FXYD6: variants seen among roughly 807,000 people sequenced by gnomAD.
FXYD6 encodes the protein FXYD domain containing ion transport regulator 6.
Under a neutral mutation model 16.7 loss-of-function variants are expected in FXYD6, and 7 were observed. The observed-to-expected ratio is 0.42, with a 90% CI of 0.24 to 0.79. FXYD6 has a LOEUF of 0.79. FXYD6 is among the 30% of genes least tolerant of loss of function. The probability of loss-of-function intolerance (pLI) is 0.28; values close to 1 mark genes in which losing one functional copy is unlikely to be tolerated. For synonymous variants in FXYD6, 49 were observed against 43.0 expected, an observed-to-expected ratio of 1.14 and a Z score of -0.54; for missense variants, 111 against 116.2, an observed-to-expected ratio of 0.95 and a Z score of 0.21.
intron 1 of FXYD6, among the ~76,000 whole-genome samples, chr11:117,860,533 G>A (rs2056880765): frequency 6.6e-6 from 1 of 152,230 alleles, no homozygotes; most frequent in Non-Finnish European, 1.5e-5. Context: ...AGAAAGCATT[G>A]ATACTCACTT....
chr11:117,861,498 A>G (rs1055979931), intron 1 of FXYD6, among the ~76,000 whole-genome samples: 3 of 152,222 alleles, frequency 2.0e-5, no homozygotes, highest in African/African-American at 7.2e-5. Context: ...CCCTGCTTCA[A>G]CTAAATTAGA....
chr11:117,853,717 T>A (rs1408468277), intron 1 of FXYD6, among the ~76,000 whole-genome samples: 1 of 152,112 alleles, frequency 6.6e-6, no homozygotes, highest in Non-Finnish European at 1.5e-5. Context: ...GGTCTCGAAA[T>A]CCTGACCTCA....
Position 117,841,171 on chromosome 11 carries a change from C to A in FXYD6, c.186G>T (p.Lys62Asn), listed in dbSNP as rs554206807. The change falls in exon 5 of 8, where the codon AAG becomes AAT. Residue 62 changes from lysine (K) to asparagine (N), a missense_variant. Transcript: ENST00000526014. ...GILLILSRRC[K>N]CSFNQKPRAP... ...ACCGGGGCTTCTGATTGAAACTGCA[C>A]TTGCACCTGCGACCTGAAAAGCAAA... is the stretch of plus-strand genomic sequence containing the variant. 3 of 1,614,134 alleles carry A rather than the reference C, an allele frequency of 1.9e-6. No homozygotes were observed. The East Asian group carries it at 6.7e-5, about 36-fold the overall frequency.
intron 1 of FXYD6, among the ~76,000 whole-genome samples, chr11:117,852,928 T>C (rs1483966609): frequency 6.6e-6 from 1 of 152,276 alleles, no homozygotes; most frequent in African/African-American, 2.4e-5. Context: ...TTTACTTTTG[T>C]GTTTCAATGG....
chr11:117,853,051 A>G (rs1021901271), intron 1 of FXYD6, among the ~76,000 whole-genome samples: 2 of 152,148 alleles, frequency 1.3e-5, no homozygotes, highest in African/African-American at 4.8e-5. Context: ...TTCTTTCAAC[A>G]TTTCTTACAG....
chr11:117,845,512 C>A (rs2056449073), intron 1 of FXYD6, among the ~76,000 whole-genome samples: 1 of 152,124 alleles, frequency 6.6e-6, no homozygotes, highest in Admixed American at 6.5e-5. Flanking sequence ...CGACATTATG[C>A]TTCTGTGGTT....
intron 1 of FXYD6, chr11:117,844,012 T>G (rs2056417033): frequency 6.6e-6 from 1 of 152,290 alleles, no homozygotes; most frequent in African/African-American, 2.4e-5. Flanking sequence ...AGCCCAAGGC[T>G]GGGTGCTGTT....
chr11:117,860,791 T>C (rs2056888003), intron 1 of FXYD6, among the ~76,000 whole-genome samples: 1 of 152,248 alleles, frequency 6.6e-6, no homozygotes, highest in Non-Finnish European at 1.5e-5. Context: ...AAGGTGCTCA[T>C]GCCATACCAA....
intron 1 of FXYD6, among the ~76,000 whole-genome samples, chr11:117,859,422 G>A (rs1023443209): frequency 4.6e-5 from 7 of 152,238 alleles, no homozygotes; most frequent in African/African-American, 7.2e-5. Flanking sequence ...GGATGCCACA[G>A]AAGAAACTAA....
intron 1 of FXYD6, among the ~76,000 whole-genome samples, chr11:117,867,760 A>C (rs928704303): frequency 1.3e-5 from 2 of 151,854 alleles, no homozygotes; most frequent in African/African-American, 4.8e-5. Context: ...TGTTCCTTCT[A>C]CTTACAATGC....
chr11:117,860,874 A>T (rs1360491858), intron 1 of FXYD6, among the ~76,000 whole-genome samples: 1 of 152,244 alleles, frequency 6.6e-6, no homozygotes. Context: ...TATTACGATC[A>T]TTCCCTTTAC....
chr11:117,854,601 T>A (rs1453025632), intron 1 of FXYD6, among the ~76,000 whole-genome samples: 6 of 152,200 alleles, frequency 3.9e-5, no homozygotes, highest in African/African-American at 1.4e-4. Context: ...AGGGCTCTGA[T>A]CCATCAGCAA....
intron 1 of FXYD6, among the ~76,000 whole-genome samples, chr11:117,856,548 C>T (rs889295973): frequency 3.3e-5 from 5 of 152,152 alleles, no homozygotes; most frequent in African/African-American, 4.8e-5. Flanking sequence ...TCATACAGAA[C>T]GTCCCGGAAT....
chr11:117,859,590 T>A (rs1053757760), intron 1 of FXYD6, among the ~76,000 whole-genome samples: 6 of 152,178 alleles, frequency 3.9e-5, no homozygotes, highest in Admixed American at 1.3e-4. Context: ...TCCTTAAACA[T>A]AACCCGATGC....
intron 1 of FXYD6, among the ~76,000 whole-genome samples, chr11:117,861,720 G>T (rs2056910204): frequency 6.6e-6 from 1 of 152,222 alleles, no homozygotes; most frequent in Non-Finnish European, 1.5e-5. Context: ...AGAGGGCCCA[G>T]TTACTTCCTC....
intron 1 of FXYD6, among the ~76,000 whole-genome samples, chr11:117,860,787 C>T (rs2056887936): frequency 6.6e-6 from 1 of 152,230 alleles, no homozygotes; most frequent in Admixed American, 6.5e-5. Context: ...TCGTAAGGTG[C>T]TCATGCCATA....
intron 1 of FXYD6, among the ~76,000 whole-genome samples, chr11:117,850,372 T>G (rs982537016): frequency 6.6e-6 from 1 of 152,202 alleles, no homozygotes; most frequent in African/African-American, 2.4e-5. Flanking sequence ...CTGAGTTGGG[T>G]CTTTTAGAAT....
intron 1 of FXYD6, among the ~76,000 whole-genome samples, chr11:117,858,706 TCTCTC>T (rs2056817051): frequency 2.4e-5 from 3 of 126,958 alleles, no homozygotes; most frequent in Non-Finnish European, 3.4e-5. Flanking sequence ...TTTCTTTCTC[TCTCTC>T]TCTCCTTCCT....
chr11:117,858,689 TTCTTTCTTTCTTTCTCTC>T (rs1185174402), intron 1 of FXYD6, among the ~76,000 whole-genome samples: 15 of 77,682 alleles, frequency 1.9e-4, no homozygotes, highest in African/African-American at 7.8e-4. Flanking sequence ...CTTTCTTTCT[TTCTTTCTTTCTTTCTCTC>T]TCTCTCTCCT....
Sources: allele counts gnomAD v4.1 joint callset (sites outside exome capture counted in the v4.1 genomes callset), GRCh38; gene constraint gnomAD v4.1.1; transcripts MANE v1.5; gene names NCBI Gene and HGNC (gene_info 2026-07-23, HGNC 2026-07-21).